Variants in SHC4 observed in about 807,000 individuals in gnomAD.
SHC4 encodes the protein SHC adaptor protein 4.
A neutral mutation model predicts 69.4 loss-of-function variants in SHC4; 41 were observed. The ratio of observed to expected loss-of-function variants is 0.59; its 90% CI spans 0.46 to 0.77. The LOEUF (loss-of-function observed/expected upper bound fraction) is 0.77, where lower values mean the gene tolerates loss of function less well. Ranked by LOEUF, SHC4 falls within the 30% of genes least tolerant of loss-of-function variation. SHC4 has a pLI of 0.00. For synonymous variants in SHC4, 318 were observed against 299.3 expected (o/e 1.06, Z -0.64); for missense variants, 777 against 783.8 (o/e 0.99, Z 0.10).
At chr15:48,905,138 G>T (rs1900386271) in intron 2 of SHC4, among the ~76,000 whole-genome samples, 1 of 152,162 alleles carries the variant, frequency 6.6e-6, no homozygotes, top group South Asian at 2.1e-4. Flanking sequence ...ACCATGGAAA[G>T]TTCAAGACCT....
chr15:48,853,500 A>G (rs1309644544), intron 8 of SHC4, among the ~76,000 whole-genome samples: 1 of 152,228 alleles, frequency 6.6e-6, no homozygotes, highest in African/African-American at 2.4e-5. Context: ...GTTGGTTCAT[A>G]TGGAACCAAA....
Position 48,851,178 on chromosome 15 carries a change from T to C in SHC4, c.1303+10A>G. On this transcript the variant is annotated intron_variant, in intron 9 of 11. Transcript: ENST00000332408. ...GGAGGGTGGCAGATGGAGAAGGGCA[T>C]TGTACCTACCTATTGCCCTGCTTTG... 1 of 1,613,382 alleles carries C rather than the reference T, an allele frequency of 6.2e-7. No individual in the cohort carries two copies. Among genetic ancestry groups the C allele is most frequent in the South Asian group, 1.1e-5 (1 of 91,012 alleles).
At chr15:48,862,567 G>C (rs1379205612) in intron 6 of SHC4, among the ~76,000 whole-genome samples, 1 of 152,232 alleles carries the variant, frequency 6.6e-6, no homozygotes, top group Middle Eastern at 3.4e-3. Flanking sequence ...GGGAAGCTTC[G>C]GGATTGTCAG....
chr15:48,873,526 T>G (rs1252224621), intron 4 of SHC4, among the ~76,000 whole-genome samples: 1 of 152,166 alleles, frequency 6.6e-6, no homozygotes, highest in African/African-American at 2.4e-5. Context: ...GGGCGGATCA[T>G]GAGGTCAGGA....
chr15:48,825,881 T>C lies in SHC4; in HGVS notation c.*90A>G. 1 of 1,484,406 alleles carries C rather than the reference T, an allele frequency of 6.7e-7. No individual in the cohort carries two copies. The highest frequency in any genetic ancestry group is 9.1e-7 in the Non-Finnish European group (1 of 1,100,196). The allele number at this position is 1,484,406 out of a possible 1,614,324, so 92.0% of individuals were successfully genotyped here. A position where few individuals can be genotyped will look rare whatever the true frequency, so the allele number is the denominator to read the frequency against. ...GATGCACTTCACAGTTTGTGCTCTA[T>C]TTTATCTACAAACAAAGTTTAAATT... On this transcript the variant is annotated 3_prime_UTR_variant, in exon 12 of 12. Transcript: ENST00000332408.
At chr15:48,871,659 G>C (rs1281163334) in intron 5 of SHC4, among the ~76,000 whole-genome samples, 1 of 152,158 alleles carries the variant, frequency 6.6e-6, no homozygotes, top group East Asian at 1.9e-4. Context: ...TTCCAGATTA[G>C]ACTTAGTTGA....
At chr15:48,923,419 G>A (rs371715171) in intron 2 of SHC4, among the ~76,000 whole-genome samples, 29 of 151,658 alleles carry the variant, frequency 1.9e-4, no homozygotes, top group African/African-American at 4.6e-4. Context: ...GTGTGGTGGC[G>A]GGCACCTGTA....
At chr15:48,954,195 A>G (rs886801907) in intron 1 of SHC4, among the ~76,000 whole-genome samples, 5 of 152,098 alleles carry the variant, frequency 3.3e-5, no homozygotes, top group Non-Finnish European at 5.9e-5. Context: ...CTGCCCTCCA[A>G]CCACTAAAGG....
rs372544293 is a variant in SHC4 at position 48,877,659 on chromosome 15, A to G, written c.841-5517T>C. ...TAACTAAAAAAAAAAAAAGTACAAT[A>G]TATCTGTTGTTTGTGAATTTAACTT... On this transcript the variant is annotated intron_variant, in intron 4 of 11. Transcript: ENST00000332408. 9 of 697,780 alleles carry G rather than the reference A, an allele frequency of 1.3e-5. No homozygotes were observed. In the East Asian group the frequency reaches 8.0e-4, roughly 62 times the overall value. 43.2% of individuals were successfully genotyped at this position (697,780 alleles called of 1,614,324 possible). A position where few individuals can be genotyped will look rare whatever the true frequency, so the allele number is the denominator to read the frequency against.
chr15:48,948,660 C>A (rs1267664538), intron 1 of SHC4, among the ~76,000 whole-genome samples: 1 of 152,210 alleles, frequency 6.6e-6, no homozygotes, highest in Non-Finnish European at 1.5e-5. Flanking sequence ...AATCCCAACA[C>A]TTTGGAAGGC....
chr15:48,869,609 T>C (rs1293975617), intron 5 of SHC4, among the ~76,000 whole-genome samples: 1 of 152,212 alleles, frequency 6.6e-6, no homozygotes, highest in Non-Finnish European at 1.5e-5. Flanking sequence ...ATCCTCCATT[T>C]ACATATGAGG....
At chr15:48,909,048 T>C (rs1900460906) in intron 2 of SHC4, among the ~76,000 whole-genome samples, 2 of 152,216 alleles carry the variant, frequency 1.3e-5, no homozygotes, top group South Asian at 2.1e-4. Flanking sequence ...TTTCATTGCA[T>C]AGGAATTTTA....
intron 1 of SHC4, among the ~76,000 whole-genome samples, chr15:48,959,072 A>G (rs779988671): frequency 4.6e-5 from 7 of 152,214 alleles, no homozygotes; most frequent in Non-Finnish European, 7.4e-5. Flanking sequence ...ACCATTTTTT[A>G]AAAAGAATAT....
intron 9 of SHC4, among the ~76,000 whole-genome samples, chr15:48,845,809 A>C (rs1332402181): frequency 6.6e-6 from 1 of 152,180 alleles, no homozygotes. Context: ...TCTTTGTAAA[A>C]AATGTTTATT....
intron 8 of SHC4, among the ~76,000 whole-genome samples, chr15:48,852,396 A>C (rs1170913537): frequency 6.6e-6 from 1 of 152,248 alleles, no homozygotes; most frequent in Non-Finnish European, 1.5e-5. Context: ...CTACATATGT[A>C]ATAAAGCAAA....
At chr15:48,937,406 A>AGT (rs771492071) in intron 1 of SHC4, among the ~76,000 whole-genome samples, 4 of 152,080 alleles carry the variant, frequency 2.6e-5, no homozygotes, top group Non-Finnish European at 2.9e-5. Context: ...TCAGAGGTTC[A>AGT]ATGCTGTGCT....
At chr15:48,839,384 C>T (rs886313973) in intron 10 of SHC4, among the ~76,000 whole-genome samples, 1 of 152,164 alleles carries the variant, frequency 6.6e-6, no homozygotes, top group Non-Finnish European at 1.5e-5. Context: ...AGTGGCGAAG[C>T]CCCCAAGAAA....
At chr15:48,938,693 C>A (rs888579104) in intron 1 of SHC4, among the ~76,000 whole-genome samples, 6 of 143,132 alleles carry the variant, frequency 4.2e-5, no homozygotes, top group Non-Finnish European at 7.7e-5. Flanking sequence ...GAATAACATA[C>A]AGCAGATGCC....
At chr15:48,831,985 T>C (rs566883964) in intron 11 of SHC4, among the ~76,000 whole-genome samples, 2 of 152,222 alleles carry the variant, frequency 1.3e-5, no homozygotes, top group Non-Finnish European at 2.9e-5. Context: ...TAAAGGATGG[T>C]TTTGGCCAGG....
Sources: allele counts gnomAD v4.1 joint callset (sites outside exome capture counted in the v4.1 genomes callset), GRCh38; gene constraint gnomAD v4.1.1; transcripts MANE v1.5; gene names NCBI Gene and HGNC (gene_info 2026-07-23, HGNC 2026-07-21).